Variants in REV3L observed in about 807,000 individuals in gnomAD.
REV3L encodes DNA polymerase zeta catalytic subunit.
REV3L carries 69 observed loss-of-function variants against 299.4 expected under a neutral mutation model. The ratio of observed to expected loss-of-function variants is 0.23; its 90% CI spans 0.19 to 0.28. The LOEUF is 0.28. Ranked by LOEUF, REV3L falls within the 10% of genes least tolerant of loss-of-function variation. The pLI, the probability that REV3L is intolerant of heterozygous loss-of-function variation, is 1.00. For synonymous variants in REV3L, 1,238 were observed against 1,271.4 expected (o/e 0.97, Z 0.56); for missense variants, 3,128 against 3,693.8 (o/e 0.85, Z 3.97).
At chr6:111,464,427 A>T (rs1250856160) in intron 1 of REV3L, among the ~76,000 whole-genome samples, 1 of 152,236 alleles carries the variant, frequency 6.6e-6, no homozygotes, top group Non-Finnish European at 1.5e-5. Context: ...GACCTAAACA[A>T]ACATTCAGCA....
intron 1 of REV3L, chr6:111,431,712 T>C: frequency 1.0e-6 from 1 of 966,462 alleles, no homozygotes; most frequent in Non-Finnish European, 1.7e-6. Flanking sequence ...AAAACAACTC[T>C]GTGGATTTGA....
At chr6:111,420,866 G>A (rs1392304877) in intron 1 of REV3L, among the ~76,000 whole-genome samples, 1 of 152,150 alleles carries the variant, frequency 6.6e-6, no homozygotes, top group East Asian at 1.9e-4. Context: ...CCTTGGCTGG[G>A]CATGGTGGCT....
chr6:111,478,178 T>C (rs1793168129), intron 1 of REV3L, among the ~76,000 whole-genome samples: 1 of 152,228 alleles, frequency 6.6e-6, no homozygotes. Flanking sequence ...TCACGAAGTC[T>C]TCCCTGACTC....
chr6:111,357,223 G>T, intron 17 of REV3L, 98 bp from the exon 18 acceptor site: 1 of 381,630 alleles, frequency 2.6e-6, no homozygotes, highest in Non-Finnish European at 4.5e-6. Context: ...AAGTAAAATT[G>T]TACTACTGAA....
chr6:111,320,660 G>C (rs562033441), intron 26 of REV3L, among the ~76,000 whole-genome samples: 13 of 152,044 alleles, frequency 8.6e-5, no homozygotes, highest in African/African-American at 3.1e-4. Context: ...TGGGTTTCTT[G>C]TTTTTGAGAC....
At chr6:111,326,965 G>A (rs1466001812) in intron 25 of REV3L, among the ~76,000 whole-genome samples, 1 of 152,126 alleles carries the variant, frequency 6.6e-6, no homozygotes, top group Non-Finnish European at 1.5e-5. Context: ...AGCATATGAT[G>A]AGGGGTCAAA....
At chr6:111,359,234 T>C (rs1778396921) in intron 16 of REV3L, among the ~76,000 whole-genome samples, 1 of 152,140 alleles carries the variant, frequency 6.6e-6, no homozygotes. Flanking sequence ...AAATCTGCTC[T>C]CAATGACAAT....
chr6:111,366,046 G>T (rs1779158755), intron 14 of REV3L, among the ~76,000 whole-genome samples: 1 of 152,142 alleles, frequency 6.6e-6, no homozygotes, highest in African/African-American at 2.4e-5. Context: ...ACTACAAGGT[G>T]GGTAATGAGG....
At chr6:111,341,764 G>A (rs1279071866) in intron 21 of REV3L, among the ~76,000 whole-genome samples, 1 of 151,808 alleles carries the variant, frequency 6.6e-6, no homozygotes, top group African/African-American at 2.4e-5. Context: ...GTTGGGGGGG[G>A]TCAGAAGTAT....
chr6:111,322,314 ACTAT>A lies in REV3L; in HGVS notation c.8351+251_8351+254del, dbSNP rs749323888. ...TGTGTACACAGTTAGTTTACAGATCACTATCTACTTGGCTTAGAGCTACCTGGAG... is the reference window on the plus strand; with the variant it reads ...TGTGTACACAGTTAGTTTACAGATCACTACTTGGCTTAGAGCTACCTGGAG... On this transcript the variant is annotated intron_variant, in intron 26 of 31. Transcript: ENST00000368802. Among the ~76,000 whole-genome samples the A allele has an allele frequency of 3.3e-5, 5 of 152,308 alleles. No individual in the cohort carries two copies. The East Asian group carries it at 7.7e-4, about 23-fold the overall frequency.
At chr6:111,393,851 TTCCC>T (rs1161467737) in intron 4 of REV3L, among the ~76,000 whole-genome samples, 1 of 152,132 alleles carries the variant, frequency 6.6e-6, no homozygotes, top group Non-Finnish European at 1.5e-5. Context: ...CTTTTTTTAG[TTCCC>T]ACATCAGTAA....
At position 111,373,936 on chromosome 6, in the gene REV3L, C is replaced by T. The variant is rs1366839515; in HGVS notation, c.4419G>A (p.Glu1473=). The change falls in exon 13 of 32, where the codon GAG becomes GAA. Residue 1473 remains glutamate (E), a synonymous_variant. Transcript: ENST00000368802. ...LRSPIKQIAW[E]QKQRGFILDM... ...CTAAAATAAAGCCCCTTTGCTTTTG[C>T]TCCCATGCTATTTGTTTGATTGGAC... The T allele has an allele frequency of 6.2e-7, 1 of 1,614,092 alleles. No individual in the cohort carries two copies. Among genetic ancestry groups the T allele is most frequent in the South Asian group, 1.1e-5 (1 of 91,074 alleles).
At chr6:111,325,604 G>A (rs1774695378) in intron 25 of REV3L, among the ~76,000 whole-genome samples, 1 of 152,198 alleles carries the variant, frequency 6.6e-6, no homozygotes, top group African/African-American at 2.4e-5. Flanking sequence ...GGAGACCACA[G>A]TCAGTAATCC....
intron 16 of REV3L, among the ~76,000 whole-genome samples, chr6:111,360,470 CT>C (rs71021836): frequency 0.032 from 4,105 of 129,342 alleles, 102 homozygotes; most frequent in Middle Eastern, 0.06. Context: ...GTTAAATAAT[CT>C]TTTTTTTTTT....
At chr6:111,422,621 T>TAC (rs1785583156) in intron 1 of REV3L, among the ~76,000 whole-genome samples, 1 of 30,264 alleles carries the variant, frequency 3.3e-5, no homozygotes, top group African/African-American at 7.2e-5. Flanking sequence ...TACACATATA[T>TAC]ATATATATAC....
intron 1 of REV3L, among the ~76,000 whole-genome samples, chr6:111,441,059 T>G (rs1286533523): frequency 6.6e-6 from 1 of 152,226 alleles, no homozygotes; most frequent in Non-Finnish European, 1.5e-5. Context: ...AGTTTGAATA[T>G]GATATGTGTA....
At chr6:111,367,091 A>T in intron 14 of REV3L, 24 bp downstream of exon 14, 1 of 1,501,216 alleles carries the variant, frequency 6.7e-7, no homozygotes. Flanking sequence ...AATTATGGAG[A>T]CTTCCTGTTA....
rs151319133 is a variant in REV3L at position 111,309,970 on chromosome 6, G to T, written c.8925C>A (p.Asp2975Glu). 2 of 1,614,002 alleles carry T rather than the reference G, an allele frequency of 1.2e-6. No homozygotes were observed. The highest frequency in any genetic ancestry group is 2.2e-5 in the South Asian group (2 of 91,074). The change falls in exon 30 of 32, where the codon GAC (aspartate) becomes GAA (glutamate). Residue 2975 changes from aspartate (D) to glutamate (E), a missense_variant. Around this residue, in one of 9 missense-constraint regions of REV3L, gnomAD observed 294 missense variants for 377.0 expected, o/e 0.78. Transcript: ENST00000368802. ...AAGTAGCATTCAGTCTCAGAGTTGG[G>T]TCCTGCAGGACTTCCACTGGGCGCC... ...LVRRPVEVLQDPTLRLNATYY... is the reference protein window; with the variant it reads ...LVRRPVEVLQEPTLRLNATYY...
intron 1 of REV3L, among the ~76,000 whole-genome samples, chr6:111,442,970 C>T (rs953891201): frequency 1.6e-4 from 23 of 144,242 alleles, no homozygotes; most frequent in African/African-American, 5.6e-4. Flanking sequence ...TTCACTTTGT[C>T]GCTCAGGCGG....
Sources: allele counts gnomAD v4.1 joint callset (sites outside exome capture counted in the v4.1 genomes callset), GRCh38; gene constraint gnomAD v4.1.1; regional missense constraint gnomAD v4.1.1; transcripts MANE v1.5; gene names NCBI Gene and HGNC (gene_info 2026-07-23, HGNC 2026-07-21).